Variants in MAP2 observed in about 807,000 individuals in gnomAD.
The protein encoded by MAP2 is microtubule-associated protein 2.
A neutral mutation model predicts 137.6 loss-of-function variants in MAP2; 14 were observed. The ratio of observed to expected loss-of-function variants is 0.10; its 90% confidence interval spans 0.07 to 0.16. The LOEUF (loss-of-function observed/expected upper bound fraction) is 0.16, where lower values mean the gene tolerates loss of function less well. Ranked by LOEUF, MAP2 falls within the 10% of genes least tolerant of loss-of-function variation. The pLI, the probability that MAP2 is intolerant of heterozygous loss-of-function variation, is 1.00. For synonymous variants in MAP2, 786 were observed against 782.3 expected, an observed-to-expected ratio of 1.00 and a Z score of -0.08; for missense variants, 2,088 against 2,191.5, an observed-to-expected ratio of 0.95 and a Z score of 0.94.
At chr2:209,556,529 T>C (rs991082841) in intron 2 of MAP2, among the ~76,000 whole-genome samples, 1 of 152,158 alleles carries the variant, frequency 6.6e-6, no homozygotes, top group Non-Finnish European at 1.5e-5. Context: ...GTCTGGCACA[T>C]AGTAAGTGCT....
intron 2 of MAP2, among the ~76,000 whole-genome samples, 151 bp downstream of exon 2, chr2:209,507,792 C>T (rs972369926): frequency 6.6e-6 from 1 of 152,070 alleles, no homozygotes; most frequent in Admixed American, 6.6e-5. Flanking sequence ...AGTTGGCCTA[C>T]TAGCAAACAT....
At chr2:209,689,275 A>G (rs952324280) in intron 7 of MAP2, among the ~76,000 whole-genome samples, 4 of 150,914 alleles carry the variant, frequency 2.7e-5, no homozygotes, top group African/African-American at 9.9e-5. Flanking sequence ...AATGAGTGCT[A>G]AATGTGAAGA....
At chr2:209,582,149 A>T (rs1579056971) in intron 3 of MAP2, among the ~76,000 whole-genome samples, 1 of 152,148 alleles carries the variant, frequency 6.6e-6, no homozygotes, top group Admixed American at 6.6e-5. Flanking sequence ...TATTTCACAA[A>T]TAAATGAATT....
chr2:209,558,068 T>C (rs2071096919), intron 2 of MAP2, among the ~76,000 whole-genome samples: 1 of 152,252 alleles, frequency 6.6e-6, no homozygotes, highest in South Asian at 2.1e-4. Context: ...CTAGATTCAC[T>C]AATTGTTAAC....
chr2:209,603,724 C>T (rs748820549), intron 3 of MAP2, among the ~76,000 whole-genome samples: 4 of 152,110 alleles, frequency 2.6e-5, no homozygotes, highest in Non-Finnish European at 5.9e-5. Flanking sequence ...GACAGAATAT[C>T]TCTCAATTTT....
intron 7 of MAP2, among the ~76,000 whole-genome samples, chr2:209,687,640 G>A (rs1298359366): frequency 6.6e-6 from 1 of 152,004 alleles, no homozygotes; most frequent in African/African-American, 2.4e-5. Context: ...CCTTGTGTAG[G>A]TGTTTGTTTC....
In MAP2 at chr2:209,695,904, A is replaced by T; in HGVS notation, c.3734A>T (p.Tyr1245Phe). ...EEEEIEAQGEYDKLLFRSDTL... is the reference protein window; with the variant it reads ...EEEEIEAQGEFDKLLFRSDTL... Reference sequence around the variant, plus strand: ...GAAGAGATAGAAGCCCAGGGAGAATATGATAAACTGCTCTTCCGCTCAGAC... The same window carrying T: ...GAAGAGATAGAAGCCCAGGGAGAATTTGATAAACTGCTCTTCCGCTCAGAC... Residue 1245 changes from tyrosine (Y) to phenylalanine (F), a missense_variant, in exon 8 of 16, where the codon TAT becomes TTT. Physicochemically the swap from Tyr to Phe is conservative, Grantham distance 22. Coordinates refer to ENST00000682079, the MANE Select transcript of MAP2 (RefSeq NM_001375505.1). The T allele has an allele frequency of 6.2e-7, 1 of 1,614,106 alleles. No homozygotes were observed. Among genetic ancestry groups the T allele is most frequent in the Non-Finnish European group, 8.5e-7 (1 of 1,180,000 alleles).
At chr2:209,469,817 G>T (rs1406082817) in intron 1 of MAP2, among the ~76,000 whole-genome samples, 1 of 152,170 alleles carries the variant, frequency 6.6e-6, no homozygotes, top group Admixed American at 6.5e-5. Flanking sequence ...CACACACTAG[G>T]ATTTGAGTTC....
At chr2:209,675,275 A>C (rs767712567) in intron 5 of MAP2, among the ~76,000 whole-genome samples, 1 of 151,876 alleles carries the variant, frequency 6.6e-6, no homozygotes, top group African/African-American at 2.4e-5. Context: ...ATATACAAAA[A>C]TAAAATTAAC....
intron 4 of MAP2, among the ~76,000 whole-genome samples, chr2:209,638,189 A>G (rs570633551): frequency 7.3e-4 from 111 of 152,264 alleles, no homozygotes; most frequent in African/African-American, 2.4e-3. Flanking sequence ...ACAGAATACA[A>G]GTAGCATGCC....
At chr2:209,550,173 G>C (rs1282633046) in intron 2 of MAP2, among the ~76,000 whole-genome samples, 1 of 151,994 alleles carries the variant, frequency 6.6e-6, no homozygotes, top group Non-Finnish European at 1.5e-5. Flanking sequence ...GATTGCTCTT[G>C]GTATAAGACA....
intron 7 of MAP2, chr2:209,690,466 C>A: frequency 1.9e-6 from 1 of 529,064 alleles, no homozygotes; most frequent in Non-Finnish European, 2.9e-6. Flanking sequence ...TTTGTTCATC[C>A]CAATGGTAAA....
Position 209,694,459 on chromosome 2 carries a change from C to G in MAP2, c.2289C>G (p.Ser763Arg), listed in dbSNP as rs1291166196. 3.7e-6 allele frequency: 6 copies of G among 1,613,822 alleles called. No homozygotes were observed. The highest frequency in any genetic ancestry group is 5.1e-6 in the Non-Finnish European group (6 of 1,179,968). Residue 763 changes from serine to arginine, a missense_variant, in exon 8 of 16, where the codon AGC becomes AGG. Around this residue, in one of 6 missense-constraint regions of MAP2, gnomAD observed 500 missense variants for 482.9 expected, o/e 1.04. Coordinates refer to ENST00000682079, the MANE Select transcript of MAP2 (RefSeq NM_001375505.1). ...AAGCCCCTTGCTTCCCTGTAGAAAG[C>G]AAAGAGGAAGAACAGATAGAGAAAG... ...LEKAPCFPVE[S>R]KEEEQIEKVK...
At chr2:209,528,665 G>A (rs1360319867) in intron 2 of MAP2, among the ~76,000 whole-genome samples, 2 of 151,788 alleles carry the variant, frequency 1.3e-5, no homozygotes, top group Admixed American at 6.6e-5. Flanking sequence ...CTCAAAAGAG[G>A]ACCTGGAAGA....
At chr2:209,670,243 G>A (rs2048221846) in intron 5 of MAP2, among the ~76,000 whole-genome samples, 2 of 151,720 alleles carry the variant, frequency 1.3e-5, no homozygotes, top group Non-Finnish European at 2.9e-5. Flanking sequence ...GTAATATAGG[G>A]GCTACAAACA....
At chr2:209,438,726 A>G (rs1285262114) in intron 1 of MAP2, among the ~76,000 whole-genome samples, 1 of 151,454 alleles carries the variant, frequency 6.6e-6, no homozygotes, top group African/African-American at 2.4e-5. Flanking sequence ...CCACTTATTC[A>G]TGCCATTTCT....
chr2:209,704,800 T>C (rs1584070990), intron 11 of MAP2, among the ~76,000 whole-genome samples: 2 of 152,014 alleles, frequency 1.3e-5, no homozygotes, highest in African/African-American at 2.4e-5. Flanking sequence ...ACAGTATACC[T>C]ATTTTTTAAA....
intron 13 of MAP2, among the ~76,000 whole-genome samples, chr2:209,717,312 T>C (rs1410349278): frequency 4.6e-5 from 7 of 151,946 alleles, no homozygotes; most frequent in Admixed American, 4.6e-4. Flanking sequence ...GGGAAAGCAG[T>C]TCCACACACT....
intron 1 of MAP2, among the ~76,000 whole-genome samples, chr2:209,455,478 A>G (rs1400313393): frequency 2.0e-5 from 3 of 152,214 alleles, no homozygotes; most frequent in Non-Finnish European, 4.4e-5. Context: ...TGATAACCAG[A>G]GTGAAAGGTG....
Sources: allele counts gnomAD v4.1 joint callset (sites outside exome capture counted in the v4.1 genomes callset), GRCh38; gene constraint gnomAD v4.1.1; regional missense constraint gnomAD v4.1.1; transcripts MANE v1.5; gene names NCBI Gene and HGNC (gene_info 2026-07-23, HGNC 2026-07-21).